The following CYSLTR2 variants were observed in gnomAD, a reference collection of about 807,000 sequenced individuals.
The protein encoded by CYSLTR2 is G-protein coupled receptor GPCR21.
For synonymous variants in CYSLTR2, 179 were observed against 160.8 expected, an observed-to-expected ratio of 1.11 and a Z score of -0.86; for missense variants, 398 against 411.9, an observed-to-expected ratio of 0.97 and a Z score of 0.29.
rs1168461332 is a variant in CYSLTR2 at position 48,707,572 on chromosome 13, C to T, written c.755C>T (p.Thr252Ile). 6.2e-7 allele frequency: 1 copy of T among 1,608,934 alleles called. No individual in the cohort carries two copies. The highest frequency in any genetic ancestry group is 2.2e-5 in the East Asian group (1 of 44,896). The change falls in exon 5 of 5, where the codon ACC (threonine) becomes ATC (isoleucine). Residue 252 changes from threonine to isoleucine, a missense_variant. By Grantham distance (89) the Thr-to-Ile change is moderately conservative (BLOSUM62 -1). Transcript: ENST00000682523. ...AAGGCACTGACCACCATCATCATCA[C>T]CTTGATCATCTTCTTCTTGTGTTTC... ...HRKALTTIII[T>I]LIIFFLCFLP...
chr13:48,661,412 C>T, intron 1 of CYSLTR2, among the ~76,000 whole-genome samples: 1 of 151,646 alleles, frequency 6.6e-6, no homozygotes, highest in Admixed American at 6.5e-5. Flanking sequence ...TCATGCTTCT[C>T]ACCATTTTTT....
intron 1 of CYSLTR2, among the ~76,000 whole-genome samples, chr13:48,664,769 A>G (rs895549749): frequency 8.6e-5 from 13 of 151,754 alleles, no homozygotes; most frequent in Non-Finnish European, 1.6e-4. Context: ...TACCTTTTCA[A>G]AAAACCAGCT....
intron 1 of CYSLTR2, among the ~76,000 whole-genome samples, chr13:48,673,161 G>T (rs1474205016): frequency 6.6e-6 from 1 of 152,118 alleles, no homozygotes; most frequent in Non-Finnish European, 1.5e-5. Context: ...GAATATCCTT[G>T]TTAATTTTCT....
At chr13:48,691,478 T>A (rs1202591777) in intron 2 of CYSLTR2, among the ~76,000 whole-genome samples, 177 bp downstream of exon 2, 2 of 152,080 alleles carry the variant, frequency 1.3e-5, no homozygotes, top group Non-Finnish European at 2.9e-5. Flanking sequence ...GGGGAATTAT[T>A]AGGTTTAGTG....
intron 1 of CYSLTR2, among the ~76,000 whole-genome samples, chr13:48,689,555 A>T (rs1953982227): frequency 6.6e-6 from 1 of 152,074 alleles, no homozygotes; most frequent in Non-Finnish European, 1.5e-5. Flanking sequence ...CAAAGATCAG[A>T]TGGTTGTAGA....
intron 1 of CYSLTR2, among the ~76,000 whole-genome samples, chr13:48,679,142 C>A (rs1036069843): frequency 2.6e-5 from 4 of 152,248 alleles, no homozygotes; most frequent in Admixed American, 1.3e-4. Flanking sequence ...CCAAACTTGC[C>A]ATGTGCTCTC....
At chr13:48,686,502 G>A (rs374229718) in intron 1 of CYSLTR2, among the ~76,000 whole-genome samples, 7 of 152,258 alleles carry the variant, frequency 4.6e-5, no homozygotes, top group African/African-American at 1.7e-4. Flanking sequence ...GTGGTTTTTA[G>A]TTCTTCTAAT....
At position 48,707,180 on chromosome 13, in the gene CYSLTR2, C is replaced by T; in HGVS notation, c.363C>T (p.Asn121=). 2.5e-6 allele frequency: 4 copies of T among 1,614,186 alleles called. No homozygotes were observed. The highest frequency in any genetic ancestry group is 3.4e-6 in the Non-Finnish European group (4 of 1,180,044). Residue 121 remains asparagine, a synonymous_variant, in exon 5 of 5, where the codon AAC becomes AAT. Coordinates refer to ENST00000682523, the MANE Select transcript of CYSLTR2 (RefSeq NM_001308476.3). ...CRIMSYSLYV[N]MYSSIYFLTV... is the part of the protein sequence containing the mutation. ...TTATGTCTTATTCCTTGTATGTCAA[C>T]ATGTACAGCAGTATTTATTTCCTGA...
intron 1 of CYSLTR2, among the ~76,000 whole-genome samples, chr13:48,675,935 G>T (rs1953583273): frequency 6.6e-6 from 1 of 152,160 alleles, no homozygotes. Context: ...CCCAGGTGAG[G>T]CGATACCCCA....
In CYSLTR2 at chr13:48,703,345, T is replaced by C. The variant is rs917880695; in HGVS notation, c.-1-3472T>C. Among the ~76,000 whole-genome samples the C allele has an allele frequency of 2.6e-5, 4 of 152,182 alleles. No homozygotes were observed. The East Asian group carries it at 7.7e-4, about 29-fold the overall frequency. ...GCCTCATTTCACTGGTTAGAACTTATAGCACTATGTTGAATAAGACAGTGA... is the reference window on the plus strand; with the variant it reads ...GCCTCATTTCACTGGTTAGAACTTACAGCACTATGTTGAATAAGACAGTGA... On this transcript the variant is annotated intron_variant, in intron 4 of 4. Coordinates refer to ENST00000682523, the MANE Select transcript of CYSLTR2 (RefSeq NM_001308476.3).
At chr13:48,704,814 T>C (rs1954440680) in intron 4 of CYSLTR2, among the ~76,000 whole-genome samples, 2 of 152,206 alleles carry the variant, frequency 1.3e-5, no homozygotes, top group Non-Finnish European at 2.9e-5. Context: ...ACACATTCTA[T>C]ATTATTTCAA....
At chr13:48,682,920 C>T (rs1953795400) in intron 1 of CYSLTR2, among the ~76,000 whole-genome samples, 1 of 152,122 alleles carries the variant, frequency 6.6e-6, no homozygotes, top group Non-Finnish European at 1.5e-5. Context: ...TGTTGTTCTT[C>T]TCTTTGTGTC....
At chr13:48,670,838 G>T (rs1953407331) in intron 1 of CYSLTR2, among the ~76,000 whole-genome samples, 1 of 152,160 alleles carries the variant, frequency 6.6e-6, no homozygotes, top group Admixed American at 6.5e-5. Flanking sequence ...GCTTGATGGG[G>T]ATAGCATTGA....
At chr13:48,703,082 C>T (rs1036652851) in intron 4 of CYSLTR2, among the ~76,000 whole-genome samples, 14 of 152,026 alleles carry the variant, frequency 9.2e-5, no homozygotes, top group African/African-American at 3.4e-4. Context: ...CCAGTGTGCT[C>T]ATATGTGTAT....
intron 1 of CYSLTR2, among the ~76,000 whole-genome samples, chr13:48,685,726 A>G (rs761486077): frequency 6.6e-6 from 1 of 152,180 alleles, no homozygotes; most frequent in East Asian, 1.9e-4. Flanking sequence ...TCTTCTGTTA[A>G]CATTATATTC....
At chr13:48,698,216 T>C (rs1032781369) in intron 4 of CYSLTR2, among the ~76,000 whole-genome samples, 2 of 152,028 alleles carry the variant, frequency 1.3e-5, no homozygotes, top group African/African-American at 4.8e-5. Flanking sequence ...AGACACATAA[T>C]TGTCAGATTC....
chr13:48,655,916 T>C (rs1223443056), intron 1 of CYSLTR2, among the ~76,000 whole-genome samples: 1 of 152,244 alleles, frequency 6.6e-6, no homozygotes, highest in African/African-American at 2.4e-5. Context: ...ATAATGTTTA[T>C]ATAATTGGCT....
chr13:48,687,654 C>T (rs1319218525), intron 1 of CYSLTR2, among the ~76,000 whole-genome samples: 3 of 152,192 alleles, frequency 2.0e-5, no homozygotes, highest in Admixed American at 6.5e-5. Flanking sequence ...CACAAGAATG[C>T]AGCCCTCCAT....
Position 48,708,025 on chromosome 13 carries a change from T to A in CYSLTR2, c.*167T>A. On this transcript the variant is annotated 3_prime_UTR_variant, in exon 5 of 5. Transcript: ENST00000682523. Reference sequence around the variant, plus strand: ...CCTACTTCAAAAATTTTATTCAGTGTATTTTCAGTTGTTGAGTCTTAATGA... The same window carrying A: ...CCTACTTCAAAAATTTTATTCAGTGAATTTTCAGTTGTTGAGTCTTAATGA... 1 of 562,694 alleles carries A rather than the reference T, an allele frequency of 1.8e-6. No individual in the cohort carries two copies. The highest frequency in any genetic ancestry group is 3.0e-6 in the Non-Finnish European group (1 of 338,278). 34.9% of individuals were successfully genotyped at this position (562,694 alleles called of 1,614,324 possible).
Sources: gnomAD v4.1 joint callset for allele counts (sites outside exome capture counted in the v4.1 genomes callset) on GRCh38, gnomAD v4.1.1 for gene constraint, MANE v1.5 for transcripts, NCBI Gene and HGNC (gene_info 2026-07-23, HGNC 2026-07-21) for gene names.